Variants in CREB5 observed in about 807,000 individuals in gnomAD.
CREB5 encodes cAMP responsive element binding protein 5.
In CREB5, 19 loss-of-function variants were observed where a neutral mutation model predicts 57.1. That is an observed-to-expected ratio of 0.33 (90% CI 0.23 to 0.49). CREB5 has a LOEUF of 0.49. Ranked by LOEUF, CREB5 falls within the 20% of genes least tolerant of loss-of-function variation. CREB5 has a pLI of 0.99. For missense variants in CREB5, 579 were observed against 671.6 expected (o/e 0.86, Z 1.52); for synonymous variants, 238 against 238.3 (o/e 1.00, Z 0.01).
intron 9 of CREB5, among the ~76,000 whole-genome samples, chr7:28,811,121 G>A (rs1024692369): frequency 1.2e-4 from 18 of 152,090 alleles, no homozygotes; most frequent in African/African-American, 2.4e-4. Flanking sequence ...ATAGTGTAGT[G>A]TCTACACTCA....
chr7:28,412,814 T>A lies in CREB5; in HGVS notation c.-101T>A, dbSNP rs1184653131. 6.2e-6 allele frequency: 7 copies of A among 1,122,146 alleles called. No individual in the cohort carries two copies. Among genetic ancestry groups the A allele is most frequent in the Non-Finnish European group, 8.7e-6 (7 of 808,228 alleles). 69.5% of individuals were successfully genotyped at this position (1,122,146 alleles called of 1,614,324 possible). A position where few individuals can be genotyped will look rare whatever the true frequency, so the allele number is the denominator to read the frequency against. ...AAATACTCAAGACTTATTTTCTTCCTAATCTTGCTGGTGAAACAGAAGTTA... is the reference window on the plus strand; with the variant it reads ...AAATACTCAAGACTTATTTTCTTCCAAATCTTGCTGGTGAAACAGAAGTTA... On this transcript the variant is annotated 5_prime_UTR_variant, in exon 1 of 11. Coordinates refer to ENST00000357727, the MANE Select transcript of CREB5 (RefSeq NM_182898.4).
At chr7:28,685,788 G>A (rs1350411208) in intron 5 of CREB5, among the ~76,000 whole-genome samples, 1 of 151,434 alleles carries the variant, frequency 6.6e-6, no homozygotes, top group Non-Finnish European at 1.5e-5. Flanking sequence ...GCCATCCCCA[G>A]CGGCACTGTT....
At chr7:28,502,470 A>G (rs1192799696) in intron 3 of CREB5, among the ~76,000 whole-genome samples, 1 of 152,136 alleles carries the variant, frequency 6.6e-6, no homozygotes, top group African/African-American at 2.4e-5. Flanking sequence ...TAATTCCAAT[A>G]TTTTTCTCCA....
At chr7:28,465,680 A>G (rs371422933) in intron 1 of CREB5, among the ~76,000 whole-genome samples, 17 of 152,382 alleles carry the variant, frequency 1.1e-4, no homozygotes, top group East Asian at 9.6e-4. Flanking sequence ...AAAAAGTACA[A>G]CCATCACATA....
At chr7:28,816,055 G>GCACACACACACACA (rs34917973) in intron 9 of CREB5, among the ~76,000 whole-genome samples, 79 of 145,338 alleles carry the variant, frequency 5.4e-4, no homozygotes, top group African/African-American at 1.1e-3. Flanking sequence ...AAATATATAC[G>GCACACACACACACA]CACACACACA....
At chr7:28,394,092 A>G (rs1027304594) in intron 1 of CREB5, among the ~76,000 whole-genome samples, 1 of 125,656 alleles carries the variant, frequency 8.0e-6, no homozygotes, top group African/African-American at 2.6e-5. Context: ...AAAAAAAAAA[A>G]AAAAAAAAAA....
chr7:28,737,578 TA>T (rs1562606860), intron 7 of CREB5, among the ~76,000 whole-genome samples: 28 of 33,208 alleles, frequency 8.4e-4, no homozygotes, highest in African/African-American at 2.2e-3. Context: ...TATATATATA[TA>T]TATATATATT....
intron 5 of CREB5, among the ~76,000 whole-genome samples, chr7:28,621,204 G>T (rs1032069127): frequency 1.3e-5 from 2 of 151,808 alleles, no homozygotes; most frequent in Non-Finnish European, 2.9e-5. Flanking sequence ...GGGGGTGGGG[G>T]TCACAGGGCA....
chr7:28,808,996 C>T (rs780950572), intron 8 of CREB5, among the ~76,000 whole-genome samples, 191 bp from the exon 9 acceptor site: 1 of 152,116 alleles, frequency 6.6e-6, no homozygotes, highest in Non-Finnish European at 1.5e-5. Flanking sequence ...GAATATAGGT[C>T]AGTGATGCTT....
chr7:28,559,163 G>A lies in CREB5; in HGVS notation c.292-11202G>A, dbSNP rs1012646514. ...TCACTTTGCTTTGGTTTTTCCTGTC[G>A]GTTTCCCAGTCACTTGGAAGGGCCC... On this transcript the variant is annotated intron_variant, in intron 4 of 10. Coordinates refer to ENST00000357727, the MANE Select transcript of CREB5 (RefSeq NM_182898.4). 3.9e-5 allele frequency among the ~76,000 whole-genome samples: 6 copies of A among 152,224 alleles called. No individual in the cohort carries two copies. The East Asian group carries it at 9.6e-4, about 24-fold the overall frequency.
chr7:28,710,504 A>G (rs1006370550), intron 5 of CREB5, among the ~76,000 whole-genome samples: 8 of 152,162 alleles, frequency 5.3e-5, no homozygotes, highest in Admixed American at 4.6e-4. Context: ...AAATTAATGA[A>G]TTGCTAGATG....
intron 4 of CREB5, among the ~76,000 whole-genome samples, chr7:28,515,983 G>T (rs770907776): frequency 6.6e-6 from 1 of 151,950 alleles, no homozygotes; most frequent in Non-Finnish European, 1.5e-5. Flanking sequence ...CGGGGTGAGA[G>T]GATCACTTGA....
At chr7:28,404,237 A>C (rs936324811) in intron 1 of CREB5, among the ~76,000 whole-genome samples, 1 of 152,166 alleles carries the variant, frequency 6.6e-6, no homozygotes, top group South Asian at 2.1e-4. Flanking sequence ...CATCATTTTC[A>C]GTGTATGTGG....
At chr7:28,727,982 G>A (rs983942884) in intron 7 of CREB5, among the ~76,000 whole-genome samples, 1 of 152,164 alleles carries the variant, frequency 6.6e-6, no homozygotes, top group Admixed American at 6.6e-5. Flanking sequence ...ATCTCACTCT[G>A]TCACCCTGGT....
intron 10 of CREB5, chr7:28,818,805 C>T (rs1343128610): frequency 4.0e-6 from 2 of 494,770 alleles, no homozygotes; most frequent in Admixed American, 4.6e-5. Context: ...TATTTTTCCA[C>T]ATTTGATATA....
At chr7:28,698,208 T>G (rs1347950010) in intron 5 of CREB5, among the ~76,000 whole-genome samples, 1 of 152,010 alleles carries the variant, frequency 6.6e-6, no homozygotes, top group Non-Finnish European at 1.5e-5. Flanking sequence ...GAACGCAAAA[T>G]GCCATTGAGT....
At chr7:28,394,372 A>T (rs1164793742) in intron 1 of CREB5, among the ~76,000 whole-genome samples, 2 of 152,206 alleles carry the variant, frequency 1.3e-5, no homozygotes, top group African/African-American at 4.8e-5. Flanking sequence ...TGGCTTAAGT[A>T]AGCCAAGTAA....
intron 5 of CREB5, chr7:28,615,451 A>G (rs769396299): frequency 2.6e-5 from 4 of 152,286 alleles, no homozygotes; most frequent in Non-Finnish European, 5.9e-5. Context: ...GGGCTCACCT[A>G]TCTTGTTCCC....
At chr7:28,339,350 C>T (rs1405036004) in intron 1 of CREB5, among the ~76,000 whole-genome samples, 1 of 152,186 alleles carries the variant, frequency 6.6e-6, no homozygotes, top group Non-Finnish European at 1.5e-5. Context: ...TGGGGACACT[C>T]AAGCCCAGTA....
Sources: allele counts gnomAD v4.1 joint callset (sites outside exome capture counted in the v4.1 genomes callset), GRCh38; gene constraint gnomAD v4.1.1; transcripts MANE v1.5; gene names NCBI Gene and HGNC (gene_info 2026-07-23, HGNC 2026-07-21).